NCAM1: variants seen among roughly 807,000 people sequenced by gnomAD.
NCAM1 encodes neural cell adhesion molecule 1.
A neutral mutation model predicts 109.8 loss-of-function variants in NCAM1; 14 were observed. The observed-to-expected ratio is 0.13, with a 90% CI of 0.08 to 0.20. The LOEUF (loss-of-function observed/expected upper bound fraction) is 0.20, where lower values mean the gene tolerates loss of function less well. Among genes scored for constraint, NCAM1 ranks in the 10% least tolerant of loss-of-function variants. NCAM1 has a pLI of 1.00. For missense variants in NCAM1, 774 were observed against 1,109.9 expected (o/e 0.70, Z 4.30); for synonymous variants, 418 against 442.9 (o/e 0.94, Z 0.70).
At chr11:113,024,343 T>C (rs1178221998) in intron 1 of NCAM1, among the ~76,000 whole-genome samples, 2 of 152,210 alleles carry the variant, frequency 1.3e-5, no homozygotes, top group African/African-American at 4.8e-5. Context: ...CAGTCATACA[T>C]GTAGTAAGTT....
At chr11:113,202,537 T>C (rs1322539535) in intron 2 of NCAM1, 84 bp downstream of exon 2, 2 of 1,260,614 alleles carry the variant, frequency 1.6e-6, no homozygotes, top group Non-Finnish European at 2.2e-6. Context: ...CCATGTGAGC[T>C]GGCTGGTCAA....
At chr11:113,066,874 G>C (rs1198424534) in intron 1 of NCAM1, among the ~76,000 whole-genome samples, 1 of 151,828 alleles carries the variant, frequency 6.6e-6, no homozygotes, top group Non-Finnish European at 1.5e-5. Flanking sequence ...CATGGTGGCG[G>C]GCGCCTGTAG....
rs1328099390 is a variant in NCAM1 at position 113,165,919 on chromosome 11, T to C, written c.53-36460T>C. ...GCTCTGCCTCCCGGGTTCATGCCAT[T>C]CTCCTTTCTCCTGCCTCAGCCTCCC... On this transcript the variant is annotated intron_variant, in intron 1 of 19. Transcript: ENST00000316851. Among the ~76,000 whole-genome samples, 37 of 151,790 alleles carry C rather than the reference T, an allele frequency of 2.4e-4. 1 individual carries two copies. Among genetic ancestry groups the C allele is most frequent in the Non-Finnish European group, 4.7e-4 (32 of 67,918 alleles).
Position 112,961,585 on chromosome 11 carries a change from G to T in NCAM1, c.-28G>T. On this transcript the variant is annotated 5_prime_UTR_variant, in exon 1 of 20. Coordinates refer to ENST00000316851, the MANE Select transcript of NCAM1 (RefSeq NM_181351.5). ...GGGGGCACAGAATTTACCGCGGCAA[G>T]AACATCCCTCCCAGCCAGCAGATTA... 1 of 1,409,472 alleles carries T rather than the reference G, an allele frequency of 7.1e-7. No individual in the cohort carries two copies. Among genetic ancestry groups the T allele is most frequent in the Admixed American group, 1.7e-5 (1 of 59,396 alleles). 87.3% of individuals were successfully genotyped at this position (1,409,472 alleles called of 1,614,324 possible).
At chr11:113,099,119 A>C (rs1169289445) in intron 1 of NCAM1, among the ~76,000 whole-genome samples, 1 of 152,204 alleles carries the variant, frequency 6.6e-6, no homozygotes, top group Non-Finnish European at 1.5e-5. Context: ...CAGGTAAGGA[A>C]GCTGAGGCAC....
chr11:113,187,286 A>G (rs7928321), intron 1 of NCAM1, among the ~76,000 whole-genome samples: 3,970 of 152,262 alleles, frequency 0.026, 165 homozygotes, highest in African/African-American at 0.09. Context: ...CCAAGACAAG[A>G]GCCAACCCTA....
intron 1 of NCAM1, among the ~76,000 whole-genome samples, chr11:113,189,641 C>G (rs907216173): frequency 1.3e-5 from 2 of 151,984 alleles, no homozygotes; most frequent in African/African-American, 2.4e-5. Context: ...CATCAAAGCA[C>G]ATTATGACAT....
At chr11:112,990,169 T>C (rs532622229) in intron 1 of NCAM1, among the ~76,000 whole-genome samples, 15 of 152,282 alleles carry the variant, frequency 9.9e-5, no homozygotes, top group Non-Finnish European at 2.1e-4. Context: ...GGGATGAAGG[T>C]CAGCTTTACA....
At chr11:113,006,539 A>G (rs528485666) in intron 1 of NCAM1, among the ~76,000 whole-genome samples, 11 of 152,342 alleles carry the variant, frequency 7.2e-5, no homozygotes, top group African/African-American at 2.4e-4. Context: ...AATAAATAAT[A>G]TCACACAAGT....
chr11:113,113,434 C>G (rs1054380595), intron 1 of NCAM1, among the ~76,000 whole-genome samples: 1 of 152,162 alleles, frequency 6.6e-6, no homozygotes, highest in African/African-American at 2.4e-5. Context: ...GACTTTGTTT[C>G]TCTCTGGAAT....
Position 113,205,994 on chromosome 11 carries a change from G to T in NCAM1, c.491-49G>T. On this transcript the variant is annotated intron_variant, in intron 4 of 19. Transcript: ENST00000316851. ...AAAGAGACTCAGCCACCTGCCTGCA[G>T]ATGCTCTCTGACTGATTCTTGGATG... The T allele has an allele frequency of 1.9e-6, 3 of 1,610,088 alleles. No homozygotes were observed. The South Asian group carries it at 3.3e-5, about 18-fold the overall frequency.
intron 1 of NCAM1, among the ~76,000 whole-genome samples, chr11:113,041,808 G>A (rs551565178): frequency 4.7e-4 from 72 of 152,172 alleles, no homozygotes; most frequent in Non-Finnish European, 8.5e-4. Context: ...AGTGACCACT[G>A]ATAGAATCCT....
intron 1 of NCAM1, among the ~76,000 whole-genome samples, chr11:113,034,342 C>A (rs1179254829): frequency 1.3e-5 from 2 of 151,946 alleles, no homozygotes; most frequent in Non-Finnish European, 2.9e-5. Context: ...TAAAAGAAAA[C>A]CCTAAATGCT....
intron 1 of NCAM1, among the ~76,000 whole-genome samples, chr11:113,110,388 C>T (rs543013322): frequency 1.5e-4 from 23 of 152,260 alleles, no homozygotes; most frequent in Middle Eastern, 3.4e-3. Context: ...GATTGCTTGG[C>T]CTCTTTATGC....
At chr11:113,192,783 G>A (rs986497644) in intron 1 of NCAM1, among the ~76,000 whole-genome samples, 5 of 152,182 alleles carry the variant, frequency 3.3e-5, no homozygotes, top group Non-Finnish European at 5.9e-5. Context: ...CCAGATTTCT[G>A]TTCCTGGTGT....
intron 9 of NCAM1, among the ~76,000 whole-genome samples, chr11:113,229,449 A>T (rs1652014931): frequency 6.6e-6 from 1 of 152,166 alleles, no homozygotes; most frequent in Admixed American, 6.5e-5. Flanking sequence ...GCTGGAGAGG[A>T]TGTGGAGAAA....
chr11:113,194,472 C>A (rs1555110445), intron 1 of NCAM1, among the ~76,000 whole-genome samples: 1 of 152,120 alleles, frequency 6.6e-6, no homozygotes, highest in Non-Finnish European at 1.5e-5. Flanking sequence ...GTCCAGGTAG[C>A]TTTATGAAAA....
chr11:112,992,061 G>A (rs1951471629), intron 1 of NCAM1, among the ~76,000 whole-genome samples: 1 of 152,132 alleles, frequency 6.6e-6, no homozygotes, highest in Non-Finnish European at 1.5e-5. Context: ...GGAAGAGGAA[G>A]CCATGGAGAA....
chr11:113,239,498 A>AAT (rs1591448960), intron 14 of NCAM1, among the ~76,000 whole-genome samples: 1 of 78,476 alleles, frequency 1.3e-5, no homozygotes. Context: ...ATGAGTCTCT[A>AAT]CTTTTTTTTT....
Sources: allele counts gnomAD v4.1 joint callset (sites outside exome capture counted in the v4.1 genomes callset), GRCh38; gene constraint gnomAD v4.1.1; transcripts MANE v1.5; gene names NCBI Gene and HGNC (gene_info 2026-07-23, HGNC 2026-07-21).